RNF6: variants seen among roughly 807,000 people sequenced by gnomAD.
RNF6 encodes ring finger protein 6, also known as E3 ubiquitin-protein ligase RNF6.
In RNF6, 21 loss-of-function variants were observed where a neutral mutation model predicts 50.1. That is an observed-to-expected ratio of 0.42 (90% CI 0.30 to 0.60). The LOEUF is 0.60. RNF6 is among the 20% of genes least tolerant of loss of function. The pLI, the probability that RNF6 is intolerant of heterozygous loss-of-function variation, is 0.20. For missense variants in RNF6, 698 were observed against 838.2 expected (o/e 0.83, Z 2.07); for synonymous variants, 255 against 291.8 (o/e 0.87, Z 1.29).
intron 5 of RNF6, among the ~76,000 whole-genome samples, chr13:26,204,126 A>C (rs748870203): frequency 2.0e-5 from 3 of 151,800 alleles, no homozygotes; most frequent in Non-Finnish European, 4.4e-5. Context: ...TTCCCCAATA[A>C]ATTTCCTGTA....
Position 26,216,726 on chromosome 13 carries a change from A to G in RNF6, c.290-1134T>C, listed in dbSNP as rs372478114. Among the ~76,000 whole-genome samples the G allele has an allele frequency of 2.6e-5, 4 of 152,276 alleles. No homozygotes were observed. The East Asian group carries it at 7.7e-4, about 29-fold the overall frequency. ...TCCCAGCACTTTGGGAGGCCAAGGC[A>G]GGCAGATCATGAAGTCAGGAGTTCG... On this transcript the variant is annotated intron_variant, in intron 4 of 4. Transcript: ENST00000381588.
chr13:26,176,003 T>G (rs548998731), intron 5 of RNF6, among the ~76,000 whole-genome samples: 4 of 152,208 alleles, frequency 2.6e-5, no homozygotes, highest in Admixed American at 2.0e-4. Flanking sequence ...TGGTGCTACC[T>G]CAGGACACAG....
chr13:26,173,256 G>C (rs373866676), intron 5 of RNF6, among the ~76,000 whole-genome samples: 1 of 152,160 alleles, frequency 6.6e-6, no homozygotes, highest in East Asian at 1.9e-4. Flanking sequence ...AAGAAGTTAC[G>C]AACAAAGATA....
At chr13:26,168,055 G>C (rs921428288) in intron 5 of RNF6, among the ~76,000 whole-genome samples, 2 of 152,138 alleles carry the variant, frequency 1.3e-5, no homozygotes, top group Non-Finnish European at 1.5e-5. Context: ...TAGGGTGGAG[G>C]GTGGGAGGAG....
At chr13:26,180,430 G>T (rs1356357777) in intron 5 of RNF6, among the ~76,000 whole-genome samples, 1 of 152,062 alleles carries the variant, frequency 6.6e-6, no homozygotes, top group African/African-American at 2.4e-5. Context: ...CCCATTTGAG[G>T]GTGACAGGTA....
chr13:26,174,964 T>C (rs1872880860), intron 5 of RNF6, among the ~76,000 whole-genome samples: 1 of 152,084 alleles, frequency 6.6e-6, no homozygotes, highest in Admixed American at 6.6e-5. Context: ...ATTTCCAGAG[T>C]CACTGGGGGT....
chr13:26,214,352 G>A lies in RNF6; in HGVS notation c.1530C>T (p.Gly510=). ...CTGAGTGCATGTCTGGTAAATGCTG[G>A]CCATTTCTTTGAAGTTCTGACTCAG... is the stretch of plus-strand genomic sequence containing the variant. ...ADSESELQRN[G]QHLPDMHSEL... The change falls in exon 5 of 5, where the codon GGC becomes GGT. Residue 510 remains glycine, a synonymous_variant. Coordinates refer to ENST00000381588, the MANE Select transcript of RNF6 (RefSeq NM_005977.4). 6.2e-7 allele frequency: 1 copy of A among 1,614,054 alleles called. No homozygotes were observed. Among genetic ancestry groups the A allele is most frequent in the Non-Finnish European group, 8.5e-7 (1 of 1,180,026 alleles).
At chr13:26,201,358 T>C (rs1207356865) in intron 5 of RNF6, among the ~76,000 whole-genome samples, 1 of 152,214 alleles carries the variant, frequency 6.6e-6, no homozygotes, top group Non-Finnish European at 1.5e-5. Context: ...TAGTGAAGAC[T>C]ATGAAACAGA....
intron 5 of RNF6, among the ~76,000 whole-genome samples, chr13:26,145,992 C>G (rs540949521): frequency 9.2e-5 from 14 of 152,268 alleles, no homozygotes; most frequent in African/African-American, 3.4e-4. Context: ...GACAAAAACT[C>G]CATTGATCAC....
At chr13:26,210,882 C>A (rs907655172), downstream of RNF6, among the ~76,000 whole-genome samples, 2 of 152,134 alleles carry the variant, frequency 1.3e-5, no homozygotes, top group African/African-American at 4.8e-5. Flanking sequence ...CTAAAAAAAT[C>A]TAGGAAAAGA....
chr13:26,183,900 T>TTG (rs1873359086), intron 5 of RNF6, among the ~76,000 whole-genome samples: 1 of 2,626 alleles, frequency 3.8e-4, no homozygotes, highest in African/African-American at 5.2e-4. Flanking sequence ...TTATACTTAT[T>TTG]TATATATGTA....
intron 2 of RNF6, 87 bp from the exon 3 acceptor site, chr13:26,219,754 T>A: frequency 8.2e-7 from 1 of 1,215,120 alleles, no homozygotes; most frequent in Non-Finnish European, 1.1e-6. Context: ...TTTTCTTAAT[T>A]TTTAAATGTT....
At chr13:26,219,214 T>G (rs1870215173) in intron 3 of RNF6, 1 of 367,096 alleles carries the variant, frequency 2.7e-6, no homozygotes, top group Admixed American at 4.2e-5. Flanking sequence ...ATTATGTACA[T>G]TAACCTGTTT....
At chr13:26,145,934 C>T (rs1871215642) in intron 5 of RNF6, among the ~76,000 whole-genome samples, 2 of 152,228 alleles carry the variant, frequency 1.3e-5, no homozygotes, top group South Asian at 2.1e-4. Context: ...GGGAAATAAC[C>T]ACAGGATGGG....
At chr13:26,188,517 C>T (rs1873659791) in intron 5 of RNF6, among the ~76,000 whole-genome samples, 1 of 151,186 alleles carries the variant, frequency 6.6e-6, no homozygotes, top group South Asian at 2.1e-4. Flanking sequence ...ACTGCATAAG[C>T]CAGAAGCAGG....
intron 5 of RNF6, among the ~76,000 whole-genome samples, chr13:26,134,611 T>C (rs1870555378): frequency 6.6e-6 from 1 of 152,194 alleles, no homozygotes; most frequent in Admixed American, 6.5e-5. Flanking sequence ...TGTTGTTCTA[T>C]GGGTTCCAAG....
intron 5 of RNF6, among the ~76,000 whole-genome samples, chr13:26,135,912 T>G (rs1870625655): frequency 6.6e-6 from 1 of 152,198 alleles, no homozygotes; most frequent in Admixed American, 6.5e-5. Flanking sequence ...TCTCACCATG[T>G]GATATGCTGG....
intron 5 of RNF6, among the ~76,000 whole-genome samples, chr13:26,185,348 C>A (rs1307519678): frequency 6.6e-6 from 1 of 152,038 alleles, no homozygotes; most frequent in Non-Finnish European, 1.5e-5. Flanking sequence ...ATTTGGTGTG[C>A]TCTTTGTAAT....
At chr13:26,191,384 T>C (rs1427703929) in intron 5 of RNF6, among the ~76,000 whole-genome samples, 1 of 152,214 alleles carries the variant, frequency 6.6e-6, no homozygotes, top group Non-Finnish European at 1.5e-5. Context: ...GAGCCTACAT[T>C]CTAGTGCAGA....
Sources: allele counts gnomAD v4.1 joint callset (sites outside exome capture counted in the v4.1 genomes callset), GRCh38; gene constraint gnomAD v4.1.1; transcripts MANE v1.5; gene names NCBI Gene and HGNC (gene_info 2026-07-23, HGNC 2026-07-21).